MED28: variants seen among roughly 807,000 people sequenced by gnomAD.
The protein encoded by MED28 is mediator of RNA polymerase II transcription subunit 28.
Under a neutral mutation model 21.3 loss-of-function variants are expected in MED28, and 26 were observed. The ratio of observed to expected loss-of-function variants is 1.22; its 90% confidence interval spans 0.89 to 1.69. The LOEUF is 1.69. MED28 is among the 40% of genes most tolerant of loss of function. MED28 has a pLI of 0.00. For missense variants in MED28, 257 were observed against 215.4 expected (o/e 1.19, Z -1.21); for synonymous variants, 110 against 87.6 (o/e 1.26, Z -1.43).
intron 3 of MED28, 30 bp downstream of exon 3, chr4:17,621,729 T>A: frequency 7.2e-7 from 1 of 1,394,700 alleles, no homozygotes; most frequent in Non-Finnish European, 1.0e-6. Flanking sequence ...CTCAGCTCTA[T>A]AGGAAGAACT....
At chr4:17,614,916 C>A in intron 1 of MED28, 103 bp downstream of exon 1, 1 of 1,350,720 alleles carries the variant, frequency 7.4e-7, no homozygotes, top group Non-Finnish European at 1.0e-6. Flanking sequence ...AACTAATTCA[C>A]AAATGGGGAA....
rs1402289368 is a variant in MED28, at chr4:17,626,929, GTTCTCCTGCCTCAGCC to G, written c.*3133_*3148del. The G allele has an allele frequency of 6.7e-6, 1 of 149,546 alleles. No homozygotes were observed. The highest frequency in any genetic ancestry group is 1.5e-5 in the Non-Finnish European group (1 of 67,892). The allele number at this position is 149,546 out of a possible 1,614,324, so 9.3% of individuals were successfully genotyped here. ...CCTCTGCCTCCCAGAGGTTTAAGCA[GTTCTCCTGCCTCAGCC>G]TCCCAAGTAGCTGGGCTATTTTTTT... is the stretch of plus-strand genomic sequence containing the variant. On this transcript the variant is annotated 3_prime_UTR_variant, in exon 4 of 4. Transcript: ENST00000237380.
At chr4:17,619,277 C>G (rs2108916235) in intron 1 of MED28, among the ~76,000 whole-genome samples, 1 of 152,328 alleles carries the variant, frequency 6.6e-6, no homozygotes, top group East Asian at 1.9e-4. Flanking sequence ...ACCTTGTCCT[C>G]TTAGGCCATC....
At chr4:17,615,101 G>A (rs1411967147) in intron 1 of MED28, among the ~76,000 whole-genome samples, 2 of 152,140 alleles carry the variant, frequency 1.3e-5, no homozygotes, top group Non-Finnish European at 2.9e-5. Context: ...TCTCATCCCC[G>A]AGCACCGTTT....
chr4:17,619,870 T>C (rs754337784), intron 1 of MED28, 31 bp from the exon 2 acceptor site: 16 of 1,601,408 alleles, frequency 1.0e-5, no homozygotes, highest in Non-Finnish European at 1.2e-5. Flanking sequence ...ATAAATGATA[T>C]TTTTTTCTTT....
rs34765978 is a variant in MED28, at chr4:17,632,193, G to C, written c.*8395G>C. 6.4e-6 allele frequency: 1 copy of C among 157,142 alleles called. No homozygotes were observed. The highest frequency in any genetic ancestry group is 6.3e-5 in the Admixed American group (1 of 15,774). The allele number at this position is 157,142 out of a possible 1,614,324, so 9.7% of individuals were successfully genotyped here. On this transcript the variant is annotated 3_prime_UTR_variant, in exon 4 of 4. Transcript: ENST00000237380. Reference sequence around the variant, plus strand: ...AGGTTCAAGTGATCCTCCCGCCTCAGTCCCCCAAGTACCTGGGACCACAGG... The same window carrying C: ...AGGTTCAAGTGATCCTCCCGCCTCACTCCCCCAAGTACCTGGGACCACAGG...
chr4:17,625,532 C>G lies in MED28; in HGVS notation c.*1734C>G. On this transcript the variant is annotated 3_prime_UTR_variant, in exon 4 of 4. Coordinates refer to ENST00000237380, the MANE Select transcript of MED28 (RefSeq NM_025205.5). ...AAGAGGTTCTTGAGAAGATTGAGAA[C>G]TATCCTATTTGGTGCTTAGTGAAAA... 2 of 315,774 alleles carry G rather than the reference C, an allele frequency of 6.3e-6. No individual in the cohort carries two copies. The highest frequency in any genetic ancestry group is 1.2e-5 in the Non-Finnish European group (2 of 162,236). 19.6% of individuals were successfully genotyped at this position (315,774 alleles called of 1,614,324 possible). A position where few individuals can be genotyped will look rare whatever the true frequency, so the allele number is the denominator to read the frequency against.
Position 17,631,384 on chromosome 4 carries a change from C to T in MED28, c.*7586C>T, listed in dbSNP as rs1431955929. The T allele has an allele frequency of 6.6e-6, 1 of 152,170 alleles. No homozygotes were observed. The highest frequency in any genetic ancestry group is 1.5e-5 in the Non-Finnish European group (1 of 68,120). The allele number at this position is 152,170 out of a possible 1,614,324, so 9.4% of individuals were successfully genotyped here. ...CTCGCTGTGTTGCCCAGGCTGGTCT[C>T]AAATTCCTGGCCTCAAGCTCTCCTC... On this transcript the variant is annotated 3_prime_UTR_variant, in exon 4 of 4. Coordinates refer to ENST00000237380, the MANE Select transcript of MED28 (RefSeq NM_025205.5).
Position 17,628,302 on chromosome 4 carries a change from GCGTATATATGTGTA to G in MED28, c.*4505_*4518del, listed in dbSNP as rs1714823042. The G allele has an allele frequency of 6.8e-6, 1 of 147,544 alleles. No individual in the cohort carries two copies. The highest frequency in any genetic ancestry group is 1.5e-5 in the Non-Finnish European group (1 of 66,956). 9.1% of individuals were successfully genotyped at this position (147,544 alleles called of 1,614,324 possible). Reference sequence around the variant, plus strand: ...TGTGTGTGTGTGTGTATGTGTATATGCGTATATATGTGTATGTATGTGTGTATATATATATGTGT... The same window carrying G: ...TGTGTGTGTGTGTGTATGTGTATATGTGTATGTGTGTATATATATATGTGT... On this transcript the variant is annotated 3_prime_UTR_variant, in exon 4 of 4. Coordinates refer to ENST00000237380, the MANE Select transcript of MED28 (RefSeq NM_025205.5).
intron 3 of MED28, 29 bp downstream of exon 3, chr4:17,621,728 A>C (rs377649308): frequency 2.1e-6 from 3 of 1,437,420 alleles, no homozygotes; most frequent in South Asian, 1.2e-5. Context: ...CCTCAGCTCT[A>C]TAGGAAGAAC....
Position 17,634,016 on chromosome 4 carries a change from A to G in MED28, c.*10218A>G. 1 of 627,156 alleles carries G rather than the reference A, an allele frequency of 1.6e-6. No homozygotes were observed. Among genetic ancestry groups the G allele is most frequent in the Non-Finnish European group, 2.4e-6 (1 of 415,412 alleles). The allele number at this position is 627,156 out of a possible 1,614,324, so 38.8% of individuals were successfully genotyped here. A position where few individuals can be genotyped will look rare whatever the true frequency, so the allele number is the denominator to read the frequency against. On this transcript the variant is annotated 3_prime_UTR_variant, in exon 4 of 4. Coordinates refer to ENST00000237380, the MANE Select transcript of MED28 (RefSeq NM_025205.5). ...GAAGAAGCAACAATTTCATTTATAC[A>G]CTTACATGCTATTTTTTAAAGCACT...
chr4:17,619,891 GA>G lies in MED28; in HGVS notation c.160-9del, dbSNP rs1560157327. On this transcript the variant is annotated splice_polypyrimidine_tract_variant and intron_variant, in intron 1 of 3. Coordinates refer to ENST00000237380, the MANE Select transcript of MED28 (RefSeq NM_025205.5). ...GATATTTTTTTCTTTCCTATGTTTT[GA>G]TTACACAGGCTTGCTTTGCATCTCT... 3 of 1,612,898 alleles carry G rather than the reference GA, an allele frequency of 1.9e-6. No homozygotes were observed. The highest frequency in any genetic ancestry group is 4.5e-5 in the East Asian group (2 of 44,860).
rs560315778 is a variant in MED28 at position 17,628,187 on chromosome 4, T to C, written c.*4389T>C. The C allele has an allele frequency of 3.3e-5, 5 of 151,258 alleles. No homozygotes were observed. Among genetic ancestry groups the C allele is most frequent in the African/African-American group, 9.8e-5 (4 of 41,018 alleles). 9.4% of individuals were successfully genotyped at this position (151,258 alleles called of 1,614,324 possible). A position where few individuals can be genotyped will look rare whatever the true frequency, so the allele number is the denominator to read the frequency against. The stretch of plus-strand genomic sequence containing the variant: ...TTTGTCTAAGCACGTACAAAGAAAA[T>C]TCAAGGTCAGTTTACCACTCACAAA... On this transcript the variant is annotated 3_prime_UTR_variant, in exon 4 of 4. Transcript: ENST00000237380.
chr4:17,630,029 A>AT lies in MED28; in HGVS notation c.*6234dup, dbSNP rs1714877222. On this transcript the variant is annotated 3_prime_UTR_variant, in exon 4 of 4. Transcript: ENST00000237380. ...AATCATTGCAGGGTAGAATTTAGAA[A>AT]TTTAAGACTGAAAGATCTTTTCAGT... The AT allele has an allele frequency of 6.6e-6, 1 of 152,204 alleles. No individual in the cohort carries two copies. 9.4% of individuals were successfully genotyped at this position (152,204 alleles called of 1,614,324 possible).
At chr4:17,623,573 T>C (rs371090715) in intron 3 of MED28, 28 bp from the exon 4 acceptor site, 3 of 1,609,362 alleles carry the variant, frequency 1.9e-6, no homozygotes, top group Non-Finnish European at 2.5e-6. Context: ...GCATTTGCTC[T>C]GACTTAGTCC....
At chr4:17,623,548 G>T in intron 3 of MED28, 53 bp from the exon 4 acceptor site, 3 of 1,558,066 alleles carry the variant, frequency 1.9e-6, no homozygotes, top group South Asian at 1.1e-5. Context: ...AACCAGAACC[G>T]TATGTGTTTT....
chr4:17,617,525 C>T (rs1714485982), intron 1 of MED28, among the ~76,000 whole-genome samples: 1 of 152,226 alleles, frequency 6.6e-6, no homozygotes, highest in Non-Finnish European at 1.5e-5. Flanking sequence ...AAGTTACTTG[C>T]TGAAAGCCAG....
rs1216783667 is a variant in MED28 at position 17,631,957 on chromosome 4, G to A, written c.*8159G>A. 6.6e-6 allele frequency: 1 copy of A among 150,984 alleles called. No individual in the cohort carries two copies. The highest frequency in any genetic ancestry group is 2.4e-5 in the African/African-American group (1 of 41,070). The allele number at this position is 150,984 out of a possible 1,614,324, so 9.4% of individuals were successfully genotyped here. A position where few individuals can be genotyped will look rare whatever the true frequency, so the allele number is the denominator to read the frequency against. ...CCACAAAATGGAGTATGATGTTATG[G>A]ACACTAGAAATACAAGGTATGGGTC... On this transcript the variant is annotated 3_prime_UTR_variant, in exon 4 of 4. Coordinates refer to ENST00000237380, the MANE Select transcript of MED28 (RefSeq NM_025205.5).
chr4:17,624,592 T>C lies in MED28; in HGVS notation c.*794T>C, dbSNP rs1426999807. The stretch of plus-strand genomic sequence containing the variant: ...CATGACAGTGGGGTCATAGGTGAGC[T>C]GTGAGGGGCTAAATCTTGCTCTGAT... On this transcript the variant is annotated 3_prime_UTR_variant, in exon 4 of 4. Transcript: ENST00000237380. 6.6e-6 allele frequency: 1 copy of C among 152,220 alleles called. No homozygotes were observed. The highest frequency in any genetic ancestry group is 6.5e-5 in the Admixed American group (1 of 15,270). 9.4% of individuals were successfully genotyped at this position (152,220 alleles called of 1,614,324 possible).
Sources: allele counts gnomAD v4.1 joint callset (sites outside exome capture counted in the v4.1 genomes callset), GRCh38; gene constraint gnomAD v4.1.1; transcripts MANE v1.5; gene names NCBI Gene and HGNC (gene_info 2026-07-23, HGNC 2026-07-21).